DCC: variants seen among roughly 807,000 people sequenced by gnomAD.
DCC encodes DCC netrin 1 receptor, also known as netrin receptor DCC.
In DCC, 58 loss-of-function variants were observed where a neutral mutation model predicts 172.5. The ratio of observed to expected loss-of-function variants is 0.34; its 90% CI spans 0.27 to 0.42. DCC has a LOEUF of 0.42. Among genes scored for constraint, DCC ranks in the 10% least tolerant of loss-of-function variants. DCC has a pLI of 1.00. For synonymous variants in DCC, 709 were observed against 644.5 expected, an observed-to-expected ratio of 1.10 and a Z score of -1.52; for missense variants, 1,740 against 1,791.0, an observed-to-expected ratio of 0.97 and a Z score of 0.51.
intron 12 of DCC, among the ~76,000 whole-genome samples, chr18:53,264,227 G>A (rs2056640758): frequency 6.6e-6 from 1 of 152,110 alleles, no homozygotes; most frequent in Non-Finnish European, 1.5e-5. Context: ...GGTGGCTCAT[G>A]CCTGTAATCC....
In DCC at chr18:52,777,466, A is replaced by G. The variant is rs62081954; in HGVS notation, c.412+25092A>G. Among the ~76,000 whole-genome samples, 651 of 151,260 alleles carry G rather than the reference A, an allele frequency of 4.3e-3. 3 individuals are homozygous for G. The highest frequency in any genetic ancestry group is 8.1e-3 in the Non-Finnish European group (552 of 67,814). ...TCTGTATGTCCATCTCAAAATTCCC[A>G]TCTGTGTGTCTCACTGGATTTAGAG... On this transcript the variant is annotated intron_variant, in intron 2 of 28. Coordinates refer to ENST00000442544, the MANE Select transcript of DCC (RefSeq NM_005215.4).
intron 7 of DCC, among the ~76,000 whole-genome samples, chr18:53,101,028 C>T (rs1410061801): frequency 6.6e-6 from 1 of 152,132 alleles, no homozygotes; most frequent in Non-Finnish European, 1.5e-5. Flanking sequence ...TCTTGTTCCA[C>T]ACAATTAACA....
At chr18:52,515,535 A>T (rs1043635330) in intron 1 of DCC, among the ~76,000 whole-genome samples, 1 of 140,244 alleles carries the variant, frequency 7.1e-6, no homozygotes, top group Admixed American at 7.7e-5. Context: ...TGAACCCAGG[A>T]GGCTGAGCTT....
chr18:53,461,782 C>G (rs1463219472), intron 24 of DCC, among the ~76,000 whole-genome samples: 1 of 152,174 alleles, frequency 6.6e-6, no homozygotes, highest in African/African-American at 2.4e-5. Context: ...CTTGTCACTC[C>G]AGTTATTGAA....
intron 2 of DCC, among the ~76,000 whole-genome samples, chr18:52,839,457 CGTGA>C (rs2038768403): frequency 6.6e-6 from 1 of 152,094 alleles, no homozygotes; most frequent in South Asian, 2.1e-4. Flanking sequence ...GTCAAGTCAT[CGTGA>C]GTGACAATTA....
At chr18:53,527,453 A>T (rs2046471919) in intron 28 of DCC, among the ~76,000 whole-genome samples, 1 of 152,014 alleles carries the variant, frequency 6.6e-6, no homozygotes, top group African/African-American at 2.4e-5. Flanking sequence ...TTTTGAAGTT[A>T]TTATATATGT....
At chr18:52,622,300 G>A (rs1185244228) in intron 1 of DCC, among the ~76,000 whole-genome samples, 1 of 152,158 alleles carries the variant, frequency 6.6e-6, no homozygotes, top group Non-Finnish European at 1.5e-5. Flanking sequence ...AGGCATAGAA[G>A]TTTCTCTAGA....
intron 17 of DCC, among the ~76,000 whole-genome samples, chr18:53,395,786 G>T (rs1364196899): frequency 1.3e-5 from 2 of 152,052 alleles, no homozygotes; most frequent in South Asian, 2.1e-4. Context: ...TGGACTACAG[G>T]TGCATGCTAC....
chr18:52,428,120 C>G (rs1481490953), intron 1 of DCC, among the ~76,000 whole-genome samples: 3 of 152,036 alleles, frequency 2.0e-5, no homozygotes, highest in African/African-American at 7.2e-5. Flanking sequence ...TTTATCTTCT[C>G]TCTCTGCAGC....
intron 2 of DCC, among the ~76,000 whole-genome samples, chr18:52,815,873 T>A (rs1471916469): frequency 6.6e-6 from 1 of 152,188 alleles, no homozygotes; most frequent in African/African-American, 2.4e-5. Flanking sequence ...AGCTTTGGAA[T>A]TACATGGAAT....
chr18:52,868,149 T>C (rs1026122428), intron 2 of DCC, among the ~76,000 whole-genome samples: 1 of 151,636 alleles, frequency 6.6e-6, no homozygotes, highest in Non-Finnish European at 1.5e-5. Flanking sequence ...TAGTTTTAAT[T>C]TAGGCTTCTT....
At chr18:52,554,719 A>G (rs1305567939) in intron 1 of DCC, among the ~76,000 whole-genome samples, 1 of 152,118 alleles carries the variant, frequency 6.6e-6, no homozygotes, top group Non-Finnish European at 1.5e-5. Context: ...TATGTCTTCC[A>G]TGACAAATTC....
At position 52,907,298 on chromosome 18, in the gene DCC, GGA is replaced by G. The variant is rs2039899694; in HGVS notation, c.697+971_697+972del. Among the ~76,000 whole-genome samples the G allele has an allele frequency of 4.2e-4, 18 of 42,938 alleles. No individual in the cohort carries two copies. In the South Asian group the frequency reaches 0.011, roughly 25 times the overall value. The allele number at this position is 42,938 out of a possible 152,430, so 28.2% of individuals were successfully genotyped here. A position where few individuals can be genotyped will look rare whatever the true frequency, so the allele number is the denominator to read the frequency against. On this transcript the variant is annotated intron_variant, in intron 3 of 28. Coordinates refer to ENST00000442544, the MANE Select transcript of DCC (RefSeq NM_005215.4). ...TGATATGTCATGGATATATACATAT[GGA>G]TATATACATATGTATATGTATATAT...
At chr18:52,510,959 A>T (rs2031416914) in intron 1 of DCC, among the ~76,000 whole-genome samples, 1 of 152,208 alleles carries the variant, frequency 6.6e-6, no homozygotes, top group Non-Finnish European at 1.5e-5. Flanking sequence ...GCAGTGAAGG[A>T]GTTCACTTTT....
chr18:53,172,177 G>A (rs568533112), intron 8 of DCC, among the ~76,000 whole-genome samples: 86 of 152,224 alleles, frequency 5.6e-4, no homozygotes, highest in Non-Finnish European at 1.1e-3. Context: ...GCAGCAACAC[G>A]GATGTAGTTG....
chr18:53,076,478 C>T (rs907566248), intron 7 of DCC, among the ~76,000 whole-genome samples: 5 of 152,142 alleles, frequency 3.3e-5, no homozygotes, highest in African/African-American at 1.2e-4. Context: ...CCTCTGAAGG[C>T]TTTACTTTGG....
intron 2 of DCC, among the ~76,000 whole-genome samples, chr18:52,788,547 ATTTC>A (rs1373778350): frequency 6.6e-6 from 1 of 152,170 alleles, no homozygotes; most frequent in Non-Finnish European, 1.5e-5. Context: ...GGCTATTTTT[ATTTC>A]TTAAAGATTA....
chr18:53,017,852 C>G (rs2041830261), intron 5 of DCC, among the ~76,000 whole-genome samples: 1 of 152,080 alleles, frequency 6.6e-6, no homozygotes, highest in Non-Finnish European at 1.5e-5. Context: ...AAAGTTGTTT[C>G]TAATGTAGAT....
intron 7 of DCC, among the ~76,000 whole-genome samples, chr18:53,101,765 C>T (rs1386150541): frequency 5.3e-5 from 8 of 151,654 alleles, no homozygotes; most frequent in African/African-American, 1.9e-4. Context: ...CTGGTGATTC[C>T]CTAGGACAAG....
Sources: gnomAD v4.1 joint callset for allele counts (sites outside exome capture counted in the v4.1 genomes callset) on GRCh38, gnomAD v4.1.1 for gene constraint, MANE v1.5 for transcripts, NCBI Gene and HGNC (gene_info 2026-07-23, HGNC 2026-07-21) for gene names.